The following PLD5 variants were observed in gnomAD, a reference collection of about 807,000 sequenced individuals.
PLD5 encodes phospholipase D family member 5.
A neutral mutation model predicts 61.1 loss-of-function variants in PLD5; 36 were observed. That is an observed-to-expected ratio of 0.59 (90% confidence interval 0.45 to 0.78). PLD5 has a LOEUF of 0.78. PLD5 is among the 30% of genes least tolerant of loss of function. The pLI is 0.00. For synonymous variants in PLD5, 243 were observed against 242.8 expected (o/e 1.00, Z -0.01); for missense variants, 515 against 644.4 (o/e 0.80, Z 2.17).
intron 5 of PLD5, among the ~76,000 whole-genome samples, chr1:242,147,730 G>A (rs1354392192): frequency 6.6e-6 from 1 of 152,074 alleles, no homozygotes; most frequent in Non-Finnish European, 1.5e-5. Context: ...GCTGTGCATT[G>A]GTGCCACATT....
chr1:242,276,151 A>G (rs1165140146), intron 3 of PLD5, among the ~76,000 whole-genome samples: 2 of 151,866 alleles, frequency 1.3e-5, no homozygotes, highest in African/African-American at 4.8e-5. Flanking sequence ...CAGCCTGAGC[A>G]ATATAACCAG....
intron 9 of PLD5, among the ~76,000 whole-genome samples, chr1:242,094,469 T>C (rs769993312): frequency 1.3e-5 from 2 of 152,178 alleles, no homozygotes; most frequent in Non-Finnish European, 2.9e-5. Flanking sequence ...CCACTGTGGA[T>C]TTTTCTCAAC....
intron 3 of PLD5, among the ~76,000 whole-genome samples, chr1:242,266,476 G>T (rs1304879646): frequency 3.3e-5 from 5 of 152,128 alleles, no homozygotes; most frequent in Admixed American, 2.0e-4. Flanking sequence ...ATAACAGTAG[G>T]TCCACAGTCA....
At chr1:242,222,011 A>G (rs999098892) in intron 4 of PLD5, among the ~76,000 whole-genome samples, 1 of 152,144 alleles carries the variant, frequency 6.6e-6, no homozygotes, top group Non-Finnish European at 1.5e-5. Context: ...CCTCTGGGAC[A>G]TGCAGGGAAG....
At position 242,211,701 on chromosome 1, in the gene PLD5, AG is replaced by A; in HGVS notation, c.735+8286del. Among the ~76,000 whole-genome samples, 2 of 152,306 alleles carry A rather than the reference AG, an allele frequency of 1.3e-5. 1 individual carries two copies. The highest frequency in any genetic ancestry group is 4.1e-4 in the South Asian group (2 of 4,824). On this transcript the variant is annotated intron_variant, in intron 5 of 9. Transcript: ENST00000536534. ...CGCCCTGCATGAGGAACGCTACAAA[AG>A]GATCACGATGGACCCCCCGAAAATG...
chr1:242,117,494 G>C (rs1021707824), intron 6 of PLD5, among the ~76,000 whole-genome samples: 2 of 151,870 alleles, frequency 1.3e-5, no homozygotes, highest in Admixed American at 1.3e-4. Flanking sequence ...TGATTCTCCT[G>C]CCTCAGCCTC....
At chr1:242,377,521 G>A (rs924887223) in intron 1 of PLD5, 8 of 610,902 alleles carry the variant, frequency 1.3e-5, no homozygotes, top group Admixed American at 8.9e-5. Flanking sequence ...GAGGTTGGAC[G>A]CCATGCCACT....
At chr1:242,301,888 CTG>C (rs1304028046) in intron 2 of PLD5, among the ~76,000 whole-genome samples, 1 of 151,930 alleles carries the variant, frequency 6.6e-6, no homozygotes, top group Non-Finnish European at 1.5e-5. Flanking sequence ...AGCAACTCAC[CTG>C]CTTCAGCCTC....
intron 1 of PLD5, among the ~76,000 whole-genome samples, chr1:242,407,439 T>A (rs1187527625): frequency 6.6e-6 from 1 of 152,148 alleles, no homozygotes; most frequent in African/African-American, 2.4e-5. Flanking sequence ...ATTCCTCCTA[T>A]CCCTCTGACT....
intron 1 of PLD5, among the ~76,000 whole-genome samples, chr1:242,390,465 G>A (rs1662863633): frequency 6.6e-6 from 1 of 151,912 alleles, no homozygotes; most frequent in South Asian, 2.1e-4. Flanking sequence ...CTTTATTCTG[G>A]TGGCAAATAA....
intron 5 of PLD5, among the ~76,000 whole-genome samples, chr1:242,207,352 T>A (rs898388484): frequency 2.6e-5 from 4 of 152,138 alleles, no homozygotes; most frequent in African/African-American, 7.2e-5. Flanking sequence ...TCCAGTGCTG[T>A]CAGGTCCTGG....
chr1:242,115,182 GAAAAAAGAA>G (rs1198063573), intron 6 of PLD5, among the ~76,000 whole-genome samples: 7 of 147,962 alleles, frequency 4.7e-5, no homozygotes, highest in East Asian at 1.9e-4. Context: ...TGTCTGAAAA[GAAAAAAGAA>G]AAAAAAGAAA....
At chr1:242,305,307 G>C (rs1456731051) in intron 2 of PLD5, among the ~76,000 whole-genome samples, 2 of 152,206 alleles carry the variant, frequency 1.3e-5, no homozygotes, top group African/African-American at 2.4e-5. Flanking sequence ...ACTGGTACCA[G>C]ATGCTATTTT....
At chr1:242,111,057 A>ATT (rs112040049) in intron 7 of PLD5, among the ~76,000 whole-genome samples, 7,210 of 145,432 alleles carry the variant, frequency 0.05, 234 homozygotes, top group Middle Eastern at 0.15. Context: ...GGGCTTCTGA[A>ATT]TTTTTTTTTT....
intron 9 of PLD5, 43 bp downstream of exon 9, chr1:242,100,625 T>TGG (rs1293909685): frequency 6.7e-7 from 1 of 1,484,092 alleles, no homozygotes; most frequent in South Asian, 1.1e-5. Context: ...TACCACTCCC[T>TGG]GGGTGACCCC....
chr1:242,425,865 G>T (rs149947104), intron 1 of PLD5, among the ~76,000 whole-genome samples: 19 of 151,852 alleles, frequency 1.3e-4, no homozygotes, highest in African/African-American at 4.6e-4. Context: ...GGATGGTCTC[G>T]ATCTCCTGAC....
At chr1:242,205,646 T>G (rs1669273673) in intron 5 of PLD5, among the ~76,000 whole-genome samples, 1 of 152,228 alleles carries the variant, frequency 6.6e-6, no homozygotes, top group East Asian at 1.9e-4. Context: ...CTTTTTACTT[T>G]GCTCCATTTT....
intron 1 of PLD5, chr1:242,449,483 A>G: frequency 6.5e-7 from 1 of 1,527,678 alleles, no homozygotes; most frequent in East Asian, 2.5e-5. Flanking sequence ...ACGTATCACC[A>G]CCGATTACAT....
chr1:242,183,340 T>G (rs984443141), intron 5 of PLD5, among the ~76,000 whole-genome samples: 1 of 152,184 alleles, frequency 6.6e-6, no homozygotes, highest in Non-Finnish European at 1.5e-5. Flanking sequence ...GGGCTGTCTC[T>G]CAACTGGCCC....
Sources: gnomAD v4.1 joint callset for allele counts (sites outside exome capture counted in the v4.1 genomes callset) on GRCh38, gnomAD v4.1.1 for gene constraint, MANE v1.5 for transcripts, NCBI Gene and HGNC (gene_info 2026-07-23, HGNC 2026-07-21) for gene names.